MALRD1: variants seen among roughly 807,000 people sequenced by gnomAD.
MALRD1 encodes the protein MAM and LDL receptor class A domain containing 1.
MALRD1 carries 247 observed loss-of-function variants against 242.1 expected under a neutral mutation model. That is an observed-to-expected ratio of 1.02 (90% CI 0.92 to 1.13). The LOEUF is 1.13. Ranked by LOEUF, MALRD1 falls within the 50% of genes most tolerant of loss-of-function variation. The pLI is 0.00. For synonymous variants in MALRD1, 995 were observed against 866.6 expected (o/e 1.15, Z -2.60); for missense variants, 2,989 against 2,533.1 (o/e 1.18, Z -3.86).
At position 19,101,187 on chromosome 10, in the gene MALRD1, A is replaced by G. The variant is rs962591289; in HGVS notation, c.598-2792A>G. ...ACAGAGATGTTAAATAAGTTCTCCAAGGTCCTGTTGCTATTAAGTGTTATA... is the reference window on the plus strand; with the variant it reads ...ACAGAGATGTTAAATAAGTTCTCCAGGGTCCTGTTGCTATTAAGTGTTATA... On this transcript the variant is annotated intron_variant, in intron 4 of 39. Coordinates refer to ENST00000454679, the MANE Select transcript of MALRD1 (RefSeq NM_001142308.3). Among the ~76,000 whole-genome samples, 3 of 150,652 alleles carry G rather than the reference A, an allele frequency of 2.0e-5. No homozygotes were observed. In the East Asian group the frequency reaches 5.8e-4, roughly 29 times the overall value.
At chr10:19,419,337 CAGGCTGG>C (rs1207075338) in intron 28 of MALRD1, among the ~76,000 whole-genome samples, 1 of 152,050 alleles carries the variant, frequency 6.6e-6, no homozygotes, top group Non-Finnish European at 1.5e-5. Context: ...TTCTGTCACC[CAGGCTGG>C]AGTGCAGTGG....
intron 8 of MALRD1, among the ~76,000 whole-genome samples, chr10:19,130,786 G>A (rs953536808): frequency 1.3e-5 from 2 of 152,108 alleles, no homozygotes; most frequent in African/African-American, 4.8e-5. Flanking sequence ...AATGAGCCAT[G>A]CCATTCTTCT....
At chr10:19,425,685 C>T (rs796528643) in intron 28 of MALRD1, among the ~76,000 whole-genome samples, 23 of 152,098 alleles carry the variant, frequency 1.5e-4, no homozygotes, top group African/African-American at 2.4e-4. Context: ...TGTTTAAAAC[C>T]GGAGAGGGAA....
At chr10:19,237,574 A>G (rs189918305) in intron 18 of MALRD1, among the ~76,000 whole-genome samples, 1 of 17,932 alleles carries the variant, frequency 5.6e-5, no homozygotes, top group Admixed American at 3.8e-4. Flanking sequence ...AAAATTATAT[A>G]TAATTATAAT....
intron 29 of MALRD1, among the ~76,000 whole-genome samples, chr10:19,490,692 G>A (rs747638590): frequency 1.3e-5 from 2 of 150,572 alleles, no homozygotes; most frequent in Non-Finnish European, 3.0e-5. Flanking sequence ...AGATCATCAC[G>A]CAAAAGACAC....
intron 29 of MALRD1, among the ~76,000 whole-genome samples, chr10:19,488,293 A>C (rs1163486731): frequency 6.6e-6 from 1 of 152,174 alleles, no homozygotes; most frequent in African/African-American, 2.4e-5. Flanking sequence ...AGCCAACTAT[A>C]TATCAGGTTC....
At chr10:19,513,654 G>A (rs539793647) in intron 31 of MALRD1, among the ~76,000 whole-genome samples, 53 of 152,062 alleles carry the variant, frequency 3.5e-4, no homozygotes, top group Non-Finnish European at 6.0e-4. Flanking sequence ...CAGGAGAATG[G>A]TGTGAACCCG....
chr10:19,497,054 A>G (rs959341873), intron 30 of MALRD1, among the ~76,000 whole-genome samples: 1 of 152,156 alleles, frequency 6.6e-6, no homozygotes. Flanking sequence ...GCAAAGCGGG[A>G]CAGGAGGTAC....
At chr10:19,592,305 G>A (rs889913602) in intron 33 of MALRD1, among the ~76,000 whole-genome samples, 4 of 152,214 alleles carry the variant, frequency 2.6e-5, no homozygotes, top group Admixed American at 1.3e-4. Flanking sequence ...TGCAATAAGA[G>A]GCTCAGCCGA....
intron 28 of MALRD1, among the ~76,000 whole-genome samples, chr10:19,434,602 A>G (rs932536087): frequency 3.3e-5 from 5 of 152,062 alleles, no homozygotes; most frequent in African/African-American, 7.2e-5. Flanking sequence ...CTAGATTCAC[A>G]TATTATTCTA....
At chr10:19,216,960 A>AAAAT (rs367567545) in intron 18 of MALRD1, among the ~76,000 whole-genome samples, 601 of 35,286 alleles carry the variant, frequency 0.017, 6 homozygotes, top group African/African-American at 0.03. Flanking sequence ...AAAAAAAAAT[A>AAAAT]AAAATAAAAT....
chr10:19,669,685 G>GA (rs1455007265), intron 36 of MALRD1, among the ~76,000 whole-genome samples: 1 of 151,970 alleles, frequency 6.6e-6, no homozygotes, highest in Non-Finnish European at 1.5e-5. Context: ...ATTAACTCCA[G>GA]AAAAAAATTA....
At chr10:19,320,785 G>C (rs1159105427) in intron 21 of MALRD1, among the ~76,000 whole-genome samples, 1 of 151,846 alleles carries the variant, frequency 6.6e-6, no homozygotes, top group Non-Finnish European at 1.5e-5. Context: ...GCATGAGATG[G>C]TATCTCATTG....
At chr10:19,355,472 T>C (rs1285919456) in intron 26 of MALRD1, among the ~76,000 whole-genome samples, 1 of 151,792 alleles carries the variant, frequency 6.6e-6, no homozygotes, top group East Asian at 1.9e-4. Context: ...TAAAGTATGA[T>C]AACTTGTGGG....
At chr10:19,517,062 C>T (rs1258836338) in intron 31 of MALRD1, among the ~76,000 whole-genome samples, 2 of 152,148 alleles carry the variant, frequency 1.3e-5, no homozygotes, top group Non-Finnish European at 2.9e-5. Context: ...CGAGTAATTC[C>T]TCTGGTTGAA....
chr10:19,436,683 A>C (rs966837716), intron 28 of MALRD1, among the ~76,000 whole-genome samples: 1 of 152,118 alleles, frequency 6.6e-6, no homozygotes, highest in African/African-American at 2.4e-5. Context: ...TCATCCGTCT[A>C]TGAGGTTTTT....
chr10:19,396,518 T>C (rs1002950570), intron 28 of MALRD1, among the ~76,000 whole-genome samples: 2 of 152,214 alleles, frequency 1.3e-5, no homozygotes, highest in African/African-American at 4.8e-5. Context: ...GAAGATACTT[T>C]GTTTTCTAAT....
intron 5 of MALRD1, among the ~76,000 whole-genome samples, chr10:19,119,601 G>A (rs1045120973): frequency 9.2e-5 from 14 of 152,134 alleles, no homozygotes; most frequent in Admixed American, 7.2e-4. Flanking sequence ...CCTGGATGGT[G>A]CCAGTTGATC....
chr10:19,052,627 G>T (rs535772298), intron 1 of MALRD1, among the ~76,000 whole-genome samples: 18 of 152,140 alleles, frequency 1.2e-4, no homozygotes, highest in Non-Finnish European at 2.2e-4. Context: ...AGCCCAGGGG[G>T]CTTGATAGAG....
Sources: allele counts gnomAD v4.1 joint callset (sites outside exome capture counted in the v4.1 genomes callset), GRCh38; gene constraint gnomAD v4.1.1; transcripts MANE v1.5; gene names NCBI Gene and HGNC (gene_info 2026-07-23, HGNC 2026-07-21).